Variants in C2CD5 observed in about 807,000 individuals in gnomAD.
C2CD5 encodes the protein C2 domain-containing protein 5.
C2CD5 carries 109 observed loss-of-function variants against 130.3 expected under a neutral mutation model. The ratio of observed to expected loss-of-function variants is 0.84; its 90% confidence interval spans 0.72 to 0.98. C2CD5 has a LOEUF of 0.98. Ranked by LOEUF, C2CD5 falls within the 50% of genes least tolerant of loss-of-function variation. The pLI is 0.00. For synonymous variants in C2CD5, 454 were observed against 429.2 expected, an observed-to-expected ratio of 1.06 and a Z score of -0.71; for missense variants, 996 against 1,261.8, an observed-to-expected ratio of 0.79 and a Z score of 3.19.
intron 23 of C2CD5, among the ~76,000 whole-genome samples, chr12:22,459,270 T>A (rs1940606777): frequency 6.6e-6 from 1 of 152,110 alleles, no homozygotes; most frequent in Non-Finnish European, 1.5e-5. Context: ...GCTAAAATTT[T>A]ATGCTTAGAA....
intron 19 of C2CD5, 97 bp downstream of exon 19, chr12:22,471,870 C>G (rs889243903): frequency 2.7e-6 from 2 of 739,062 alleles, no homozygotes; most frequent in Non-Finnish European, 4.8e-6. Flanking sequence ...ATTCAGCCCA[C>G]AACTGTGTAA....
In C2CD5 at chr12:22,525,649, G is replaced by T. The variant is rs962490949; in HGVS notation, c.406C>A (p.Arg136=). The T allele has an allele frequency of 6.3e-7, 1 of 1,589,158 alleles. No individual in the cohort carries two copies. Among genetic ancestry groups the T allele is most frequent in the South Asian group, 1.1e-5 (1 of 90,508 alleles). The part of the protein sequence containing the change: ...VKVDLFNDLN[R]FRQSSCGVKF... ...ACTCCACATGATGACTGCCTAAATC[G>T]ATTTAAATCATTGAAGAGGTCTACT... Residue 136 remains arginine (R), a synonymous_variant, in exon 5 of 27, where the codon CGA becomes AGA. Coordinates refer to ENST00000446597, the MANE Select transcript of C2CD5 (RefSeq NM_001286176.2).
rs182139471 is a variant in C2CD5 at position 22,535,454 on chromosome 12, C to G, written c.91-110G>C. The G allele has an allele frequency of 1.4e-5, 9 of 639,770 alleles. No individual in the cohort carries two copies. In the African/African-American group the frequency reaches 1.7e-4, roughly 12 times the overall value. 39.6% of individuals were successfully genotyped at this position (639,770 alleles called of 1,614,324 possible). ...GATAAACCATAAAGGGGACAAAAGA[C>G]TATTATCCTCTGGGACAAAGGGAAG... On this transcript the variant is annotated intron_variant, in intron 2 of 26. Coordinates refer to ENST00000446597, the MANE Select transcript of C2CD5 (RefSeq NM_001286176.2).
At position 22,458,475 on chromosome 12, in the gene C2CD5, T is replaced by G. The variant is rs1389785653; in HGVS notation, c.2686+9A>C. On this transcript the variant is annotated intron_variant, in intron 24 of 26. Transcript: ENST00000446597. The stretch of plus-strand genomic sequence containing the variant: ...AGATTATCATAATGTGGTAGAAACA[T>G]CCGCCTACTTGTCTTAATTGATCCA... 8.3e-7 allele frequency: 1 copy of G among 1,202,574 alleles called. No homozygotes were observed. The allele number at this position is 1,202,574 out of a possible 1,614,324, so 74.5% of individuals were successfully genotyped here.
chr12:22,495,007 C>T (rs1253795028), intron 10 of C2CD5, among the ~76,000 whole-genome samples: 1 of 151,970 alleles, frequency 6.6e-6, no homozygotes, highest in African/African-American at 2.4e-5. Flanking sequence ...CAAGTGGTTG[C>T]TCTAATCTAT....
At position 22,523,584 on chromosome 12, in the gene C2CD5, C is replaced by A. The variant is rs1950456839; in HGVS notation, c.642G>T (p.Met214Ile). The change falls in exon 7 of 27, where the codon ATG (methionine) becomes ATT (isoleucine). Residue 214 changes from methionine to isoleucine, a missense_variant. Met to Ile is a conservative substitution (Grantham distance 10). Around this residue, in one of 9 missense-constraint regions of C2CD5, gnomAD observed 26 missense variants for 56.6 expected, o/e 0.46. Coordinates refer to ENST00000446597, the MANE Select transcript of C2CD5 (RefSeq NM_001286176.2). ...QRKIGLKVLE[M>I]RGNAVVGYLQ... ...AGTACCCCACAACTGCATTTCCTCT[C>A]ATTTCAAGTACTTTCAAGCCAATCT... 3 of 1,613,848 alleles carry A rather than the reference C, an allele frequency of 1.9e-6. No individual in the cohort carries two copies. The highest frequency in any genetic ancestry group is 2.5e-6 in the Non-Finnish European group (3 of 1,179,970).
chr12:22,471,911 C>T (rs1943102159), intron 19 of C2CD5, 56 bp downstream of exon 19: 1 of 968,538 alleles, frequency 1.0e-6, no homozygotes, highest in South Asian at 1.3e-5. Flanking sequence ...AATATAGACA[C>T]TTAAAATTTC....
chr12:22,510,639 T>C (rs1011195002), intron 9 of C2CD5, among the ~76,000 whole-genome samples: 2 of 152,176 alleles, frequency 1.3e-5, no homozygotes, highest in Non-Finnish European at 2.9e-5. Flanking sequence ...TCTAAAAAGA[T>C]CAAAATTCTT....
At chr12:22,483,618 A>C (rs1396674285) in intron 13 of C2CD5, among the ~76,000 whole-genome samples, 1 of 152,214 alleles carries the variant, frequency 6.6e-6, no homozygotes, top group Non-Finnish European at 1.5e-5. Flanking sequence ...GCGTACATTT[A>C]AGGCAAAAGG....
chr12:22,488,518 T>C (rs1945884261), intron 12 of C2CD5, among the ~76,000 whole-genome samples: 1 of 151,770 alleles, frequency 6.6e-6, no homozygotes, highest in Non-Finnish European at 1.5e-5. Context: ...CAAGCCACAA[T>C]ACAGAAAAAA....
At chr12:22,451,555 C>CAG (rs1339147663) in intron 26 of C2CD5, among the ~76,000 whole-genome samples, 3 of 151,998 alleles carry the variant, frequency 2.0e-5, no homozygotes, top group Admixed American at 2.0e-4. Context: ...CAGAGGAAGA[C>CAG]GACTGGTGGT....
At chr12:22,462,156 A>G (rs73261851) in intron 22 of C2CD5, among the ~76,000 whole-genome samples, 4,035 of 152,328 alleles carry the variant, frequency 0.026, 165 homozygotes, top group African/African-American at 0.084. Flanking sequence ...CAGTCTCTAG[A>G]CTAATACTAA....
chr12:22,479,103 C>A (rs372241605), intron 14 of C2CD5, among the ~76,000 whole-genome samples: 1 of 151,414 alleles, frequency 6.6e-6, no homozygotes, highest in South Asian at 2.1e-4. Context: ...AGACGAAGTC[C>A]CACGCTTTCA....
intron 12 of C2CD5, among the ~76,000 whole-genome samples, chr12:22,489,814 G>T (rs1163926328): frequency 6.6e-6 from 1 of 151,900 alleles, no homozygotes; most frequent in Admixed American, 6.6e-5. Context: ...GAAAGGAAGA[G>T]AAAGATCCAA....
At chr12:22,480,141 C>T (rs1334624232) in intron 14 of C2CD5, among the ~76,000 whole-genome samples, 1 of 152,180 alleles carries the variant, frequency 6.6e-6, no homozygotes, top group Non-Finnish European at 1.5e-5. Context: ...AAGCCTTAGT[C>T]CACCACCTCT....
chr12:22,488,256 A>G (rs992375282), intron 12 of C2CD5, among the ~76,000 whole-genome samples: 19 of 152,178 alleles, frequency 1.2e-4, no homozygotes, highest in African/African-American at 4.6e-4. Flanking sequence ...CAGCATAGTG[A>G]ATTAGCATGA....
At chr12:22,539,050 C>T (rs1456683828) in intron 2 of C2CD5, among the ~76,000 whole-genome samples, 1 of 152,024 alleles carries the variant, frequency 6.6e-6, no homozygotes, top group African/African-American at 2.4e-5. Flanking sequence ...AGTACTAAAA[C>T]TACTTCTCAA....
chr12:22,530,147 ATATAT>A (rs1386127992), intron 3 of C2CD5, among the ~76,000 whole-genome samples: 12 of 144,134 alleles, frequency 8.3e-5, no homozygotes, highest in African/African-American at 3.1e-4. Flanking sequence ...CACAGTGTAT[ATATAT>A]TATACACAAC....
At chr12:22,473,691 A>G (rs1371840237) in intron 16 of C2CD5, among the ~76,000 whole-genome samples, 2 of 152,144 alleles carry the variant, frequency 1.3e-5, no homozygotes, top group African/African-American at 4.8e-5. Flanking sequence ...AGTTTGTTAA[A>G]CAGATTCCTG....
Sources: gnomAD v4.1 joint callset for allele counts (sites outside exome capture counted in the v4.1 genomes callset) on GRCh38, gnomAD v4.1.1 for gene constraint, gnomAD v4.1.1 regional missense constraint, MANE v1.5 for transcripts, NCBI Gene and HGNC (gene_info 2026-07-23, HGNC 2026-07-21) for gene names.